RAPGEF6: variants seen among roughly 807,000 people sequenced by gnomAD.
The protein encoded by RAPGEF6 is Rap guanine nucleotide exchange factor 6, also known as PDZ domain containing guanine nucleotide exchange factor (GEF) 2.
RAPGEF6 carries 56 observed loss-of-function variants against 171.4 expected under a neutral mutation model. That is an observed-to-expected ratio of 0.33 (90% confidence interval 0.26 to 0.41). RAPGEF6 has a LOEUF of 0.41. RAPGEF6 is among the 10% of genes least tolerant of loss of function. The pLI is 1.00. For synonymous variants in RAPGEF6, 692 were observed against 650.1 expected, an observed-to-expected ratio of 1.06 and a Z score of -0.98; for missense variants, 1,674 against 1,921.4, an observed-to-expected ratio of 0.87 and a Z score of 2.41.
At chr5:131,563,429 TACAAATAACAGTTAATA>T (rs1428262204) in intron 4 of RAPGEF6, among the ~76,000 whole-genome samples, 1 of 152,192 alleles carries the variant, frequency 6.6e-6, no homozygotes, top group Non-Finnish European at 1.5e-5. Flanking sequence ...TAAGGTTCTA[TACAAATAACAGTTAATA>T]ACAAAATTCT....
intron 6 of RAPGEF6, among the ~76,000 whole-genome samples, chr5:131,521,891 A>ACACACT (rs1250904540): frequency 3.2e-4 from 40 of 123,650 alleles, no homozygotes; most frequent in African/African-American, 8.9e-4. Flanking sequence ...ACACACACAC[A>ACACACT]CTCTCTCTCT....
intron 3 of RAPGEF6, among the ~76,000 whole-genome samples, chr5:131,600,359 T>C (rs951160389): frequency 9.9e-5 from 15 of 151,970 alleles, no homozygotes; most frequent in African/African-American, 2.4e-4. Flanking sequence ...CCATCTCTAC[T>C]AAAAATACAA....
At chr5:131,598,661 G>C (rs1185785966) in intron 3 of RAPGEF6, among the ~76,000 whole-genome samples, 1 of 152,160 alleles carries the variant, frequency 6.6e-6, no homozygotes, top group Non-Finnish European at 1.5e-5. Context: ...AAGTGTTACA[G>C]AAAAAACTGC....
chr5:131,444,056 T>C (rs1224682490), intron 22 of RAPGEF6, among the ~76,000 whole-genome samples: 1 of 152,212 alleles, frequency 6.6e-6, no homozygotes, highest in African/African-American at 2.4e-5. Context: ...AATCCTTAGG[T>C]TATCCAGGGT....
intron 4 of RAPGEF6, among the ~76,000 whole-genome samples, chr5:131,589,741 G>A (rs1415809304): frequency 6.6e-6 from 1 of 152,206 alleles, no homozygotes; most frequent in Non-Finnish European, 1.5e-5. Flanking sequence ...ACTGCAGTAA[G>A]AAAGTCTTTC....
At chr5:131,516,672 GAAAT>G (rs1194249040) in intron 7 of RAPGEF6, among the ~76,000 whole-genome samples, 1 of 152,094 alleles carries the variant, frequency 6.6e-6, no homozygotes, top group East Asian at 1.9e-4. Flanking sequence ...GGAAAAGACT[GAAAT>G]AAATAGAAAA....
intron 24 of RAPGEF6, 122 bp downstream of exon 24, chr5:131,439,459 A>C (rs1752237865): frequency 2.1e-6 from 3 of 1,417,388 alleles, no homozygotes; most frequent in Middle Eastern, 5.2e-4. Context: ...AAAGTTCAAA[A>C]AGCATTAGGA....
intron 22 of RAPGEF6, 152 bp from the exon 23 acceptor site, chr5:131,442,689 T>A: frequency 8.2e-7 from 1 of 1,213,060 alleles, no homozygotes; most frequent in Non-Finnish European, 1.1e-6. Context: ...AGTTAAGTAC[T>A]ATAAGATGTT....
chr5:131,603,343 A>AT lies in RAPGEF6; in HGVS notation c.141-17dup, dbSNP rs769615660. ...AGACATTAATCTATTAAAAAAAAAA[A>AT]TTGAAGATTTTATCTTACATTTTGT... is the stretch of plus-strand genomic sequence containing the variant. On this transcript the variant is annotated splice_polypyrimidine_tract_variant and intron_variant, in intron 2 of 27. Coordinates refer to ENST00000509018, the MANE Select transcript of RAPGEF6 (RefSeq NM_016340.6). 2 of 1,482,790 alleles carry AT rather than the reference A, an allele frequency of 1.3e-6. No homozygotes were observed. The highest frequency in any genetic ancestry group is 1.8e-6 in the Non-Finnish European group (2 of 1,096,442). The allele number at this position is 1,482,790 out of a possible 1,614,324, so 91.9% of individuals were successfully genotyped here.
chr5:131,611,227 T>G (rs950409783), intron 1 of RAPGEF6, among the ~76,000 whole-genome samples: 14 of 152,378 alleles, frequency 9.2e-5, no homozygotes, highest in African/African-American at 3.1e-4. Context: ...TTTTCCCTAA[T>G]AAATTCCTTG....
At chr5:131,554,746 A>G (rs1277070485) in intron 5 of RAPGEF6, among the ~76,000 whole-genome samples, 2 of 152,092 alleles carry the variant, frequency 1.3e-5, no homozygotes, top group South Asian at 2.1e-4. Context: ...CGCACTCCTG[A>G]TCTCAGGTGA....
At chr5:131,610,548 T>A (rs1381987525) in intron 1 of RAPGEF6, among the ~76,000 whole-genome samples, 1 of 152,190 alleles carries the variant, frequency 6.6e-6, no homozygotes, top group Non-Finnish European at 1.5e-5. Context: ...TATCCCAGCA[T>A]TAGCCTGAGA....
chr5:131,573,444 C>T (rs983888465), intron 4 of RAPGEF6, among the ~76,000 whole-genome samples: 1 of 152,054 alleles, frequency 6.6e-6, no homozygotes, highest in Non-Finnish European at 1.5e-5. Flanking sequence ...CTCAGTCCTA[C>T]AATCTAACCT....
At position 131,464,334 on chromosome 5, in the gene RAPGEF6, AC is replaced by A. The variant is rs761426563; in HGVS notation, c.2240-54del. ...TATTTTTTAAAAAAATCACTTTTAAACCCTTCAAAAAGCAACGTGAAACACA... is the reference window on the plus strand; with the variant it reads ...TATTTTTTAAAAAAATCACTTTTAAACCTTCAAAAAGCAACGTGAAACACA... On this transcript the variant is annotated intron_variant, in intron 17 of 27. Transcript: ENST00000509018. The A allele has an allele frequency of 1.4e-5, 21 of 1,500,652 alleles. No homozygotes were observed. The African/African-American group carries it at 2.5e-4, about 18-fold the overall frequency. 93.0% of individuals were successfully genotyped at this position (1,500,652 alleles called of 1,614,324 possible). A position where few individuals can be genotyped will look rare whatever the true frequency, so the allele number is the denominator to read the frequency against.
chr5:131,604,770 T>C, intron 1 of RAPGEF6, 77 bp from the exon 2 acceptor site: 1 of 1,475,992 alleles, frequency 6.8e-7, no homozygotes, highest in African/African-American at 1.4e-5. Context: ...CAATTCTGAT[T>C]TTAAGCAAAC....
Position 131,592,121 on chromosome 5 carries a change from G to C in RAPGEF6, c.281+262C>G, listed in dbSNP as rs562882429. On this transcript the variant is annotated intron_variant, in intron 4 of 27. Transcript: ENST00000509018. ...TCCGCCCGCATCAGTCTCCCAAAGTGCTGGGATTACAGGTGTGAGCCACCG... is the reference window on the plus strand; with the variant it reads ...TCCGCCCGCATCAGTCTCCCAAAGTCCTGGGATTACAGGTGTGAGCCACCG... Among the ~76,000 whole-genome samples the C allele has an allele frequency of 2.1e-3, 321 of 152,280 alleles. 2 individuals are homozygous for C. Among genetic ancestry groups the C allele is most frequent in the African/African-American group, 7.5e-3 (312 of 41,562 alleles).
At chr5:131,440,960 T>C (rs1364728830) in intron 23 of RAPGEF6, among the ~76,000 whole-genome samples, 1 of 152,148 alleles carries the variant, frequency 6.6e-6, no homozygotes, top group African/African-American at 2.4e-5. Flanking sequence ...AGTTAACTGT[T>C]AGACCAGCTT....
At chr5:131,514,919 A>C (rs1757977047) in intron 7 of RAPGEF6, among the ~76,000 whole-genome samples, 1 of 152,044 alleles carries the variant, frequency 6.6e-6, no homozygotes. Context: ...GTCCAGGAAA[A>C]ATATATATAT....
chr5:131,575,390 T>A (rs900508865), intron 4 of RAPGEF6, among the ~76,000 whole-genome samples: 2 of 152,162 alleles, frequency 1.3e-5, no homozygotes, highest in Admixed American at 6.5e-5. Context: ...TCCTTCAACA[T>A]CTGTTCTCAA....
Sources: gnomAD v4.1 joint callset for allele counts (sites outside exome capture counted in the v4.1 genomes callset) on GRCh38, gnomAD v4.1.1 for gene constraint, MANE v1.5 for transcripts, NCBI Gene and HGNC (gene_info 2026-07-23, HGNC 2026-07-21) for gene names.